The following P3H2 variants were observed in gnomAD, a reference collection of about 807,000 sequenced individuals.
The protein encoded by P3H2 is leprecan-like 1.
P3H2 carries 80 observed loss-of-function variants against 87.0 expected under a neutral mutation model. The observed-to-expected ratio is 0.92, with a 90% CI of 0.77 to 1.11. The LOEUF is 1.11. Among genes scored for constraint, P3H2 ranks in the 50% least tolerant of loss-of-function variants. The pLI is 0.00. For synonymous variants in P3H2, 367 were observed against 359.3 expected (o/e 1.02, Z -0.24); for missense variants, 1,001 against 923.9 (o/e 1.08, Z -1.08).
chr3:190,098,987 T>C (rs552991307), intron 1 of P3H2, among the ~76,000 whole-genome samples: 37 of 152,180 alleles, frequency 2.4e-4, no homozygotes, highest in Non-Finnish European at 4.3e-4. Flanking sequence ...TTTTATTACA[T>C]TTGCAGTTTT....
chr3:190,048,411 C>T (rs534695052), intron 1 of P3H2, among the ~76,000 whole-genome samples: 7 of 152,072 alleles, frequency 4.6e-5, no homozygotes, highest in Non-Finnish European at 8.8e-5. Flanking sequence ...GCATGAGAAT[C>T]GCTTGAACCC....
intron 4 of P3H2, among the ~76,000 whole-genome samples, chr3:189,988,082 T>C (rs1723761932): frequency 6.6e-6 from 1 of 152,200 alleles, no homozygotes; most frequent in African/African-American, 2.4e-5. Context: ...GTAACATAAG[T>C]GCTTTTAAAA....
At chr3:190,048,671 C>T (rs567701602) in intron 1 of P3H2, among the ~76,000 whole-genome samples, 100 of 152,104 alleles carry the variant, frequency 6.6e-4, no homozygotes, top group African/African-American at 2.3e-3. Flanking sequence ...AAAAATTCTC[C>T]TGGAGAAGAT....
chr3:190,008,054 C>T (rs56329514), intron 1 of P3H2, among the ~76,000 whole-genome samples: 3,126 of 149,450 alleles, frequency 0.021, 112 homozygotes, highest in African/African-American at 0.072. Flanking sequence ...CCCAGAATCC[C>T]GAATGCAGAT....
intron 2 of P3H2, among the ~76,000 whole-genome samples, chr3:189,994,839 T>G (rs889972052): frequency 6.6e-5 from 10 of 151,602 alleles, no homozygotes; most frequent in South Asian, 2.1e-4. Context: ...AAAACCCCAG[T>G]TTGAAACATA....
At chr3:190,046,118 A>G (rs1354365738) in intron 1 of P3H2, among the ~76,000 whole-genome samples, 2 of 76,462 alleles carry the variant, frequency 2.6e-5, no homozygotes, top group South Asian at 5.1e-4. Context: ...GCAAGACTCC[A>G]TCTCAAAAAA....
intron 1 of P3H2, among the ~76,000 whole-genome samples, chr3:190,080,393 TC>T (rs2108978891): frequency 6.6e-6 from 1 of 152,160 alleles, no homozygotes; most frequent in South Asian, 2.1e-4. Flanking sequence ...AGTGCTTTTT[TC>T]TTTTTCTTTT....
chr3:190,089,938 C>T (rs534066475), intron 1 of P3H2, among the ~76,000 whole-genome samples: 1 of 151,870 alleles, frequency 6.6e-6, no homozygotes, highest in South Asian at 2.1e-4. Context: ...TGAATGGGGA[C>T]GTTTGTTGGG....
chr3:190,005,155 G>C (rs932802664), intron 1 of P3H2, among the ~76,000 whole-genome samples: 7 of 152,112 alleles, frequency 4.6e-5, no homozygotes, highest in African/African-American at 1.7e-4. Flanking sequence ...GCAAGCCTGG[G>C]AATGATTTTT....
At chr3:190,051,534 T>G (rs1292042872) in intron 1 of P3H2, among the ~76,000 whole-genome samples, 2 of 152,220 alleles carry the variant, frequency 1.3e-5, no homozygotes, top group Admixed American at 6.5e-5. Flanking sequence ...TTTTACAAGT[T>G]ACAGCTTATT....
chr3:190,007,354 T>C (rs1724419159), intron 1 of P3H2, among the ~76,000 whole-genome samples: 1 of 152,212 alleles, frequency 6.6e-6, no homozygotes, highest in South Asian at 2.1e-4. Context: ...ATGGTGGTAA[T>C]AGCAATGGAA....
At chr3:190,108,101 C>T (rs1711920664) in intron 1 of P3H2, among the ~76,000 whole-genome samples, 1 of 151,992 alleles carries the variant, frequency 6.6e-6, no homozygotes, top group East Asian at 1.9e-4. Context: ...GGCATTGTGC[C>T]CAGCCTAAAA....
intron 1 of P3H2, among the ~76,000 whole-genome samples, chr3:190,010,652 C>T (rs73890158): frequency 0.24 from 36,654 of 152,060 alleles, 4,615 homozygotes; most frequent in East Asian, 0.35. Context: ...TGACTTTGGG[C>T]TTCTGGCCTC....
rs150158400 is a variant in P3H2 at position 190,106,098 on chromosome 3, A to G, written c.480+14154T>C. Among the ~76,000 whole-genome samples, 21 of 152,320 alleles carry G rather than the reference A, an allele frequency of 1.4e-4. No homozygotes were observed. The East Asian group carries it at 4.0e-3, about 29-fold the overall frequency. ...ATTCCCAAGATGTGTCTGTGGGAAG[A>G]GATTTTATCTATTAATATGAAACAG... On this transcript the variant is annotated intron_variant, in intron 1 of 14. Transcript: ENST00000319332.
chr3:190,012,816 G>A (rs544482478), intron 1 of P3H2, among the ~76,000 whole-genome samples: 12 of 152,130 alleles, frequency 7.9e-5, no homozygotes, highest in African/African-American at 1.7e-4. Flanking sequence ...GAGTTCTGAA[G>A]ACACTGTTTA....
At chr3:190,006,203 C>T (rs1240512897) in intron 1 of P3H2, among the ~76,000 whole-genome samples, 1 of 152,124 alleles carries the variant, frequency 6.6e-6, no homozygotes, top group Non-Finnish European at 1.5e-5. Context: ...GTGGCACTTG[C>T]ATTGATCTTA....
intron 1 of P3H2, among the ~76,000 whole-genome samples, chr3:190,076,186 CACACACACACAT>C (rs1434716951): frequency 1.7e-4 from 26 of 151,750 alleles, no homozygotes; most frequent in African/African-American, 5.8e-4. Context: ...CACATGCACA[CACACACACACAT>C]ACACACACAC....
intron 13 of P3H2, among the ~76,000 whole-genome samples, chr3:189,970,222 A>ATATATATATATATATATATATG: frequency 9.0e-6 from 1 of 111,464 alleles, no homozygotes; most frequent in Non-Finnish European, 1.8e-5. Context: ...ATATATATAT[A>ATATATATATATATATATATATG]TGAGGCCATG....
At chr3:190,089,287 G>A (rs1459305087) in intron 1 of P3H2, among the ~76,000 whole-genome samples, 3 of 152,176 alleles carry the variant, frequency 2.0e-5, no homozygotes, top group Non-Finnish European at 2.9e-5. Flanking sequence ...GTTAATGGGT[G>A]CAGCACACCA....
Sources: allele counts gnomAD v4.1 joint callset (sites outside exome capture counted in the v4.1 genomes callset), GRCh38; gene constraint gnomAD v4.1.1; transcripts MANE v1.5; gene names NCBI Gene and HGNC (gene_info 2026-07-23, HGNC 2026-07-21).